FHIT: variants seen among roughly 807,000 people sequenced by gnomAD.
FHIT encodes the protein fragile histidine triad diadenosine triphosphatase.
FHIT carries 19 observed loss-of-function variants against 17.9 expected under a neutral mutation model. The ratio of observed to expected loss-of-function variants is 1.06; its 90% CI spans 0.74 to 1.56. The LOEUF is 1.56. Among genes scored for constraint, FHIT ranks in the 40% most tolerant of loss-of-function variants. FHIT has a pLI of 0.00. For synonymous variants in FHIT, 81 were observed against 69.7 expected (o/e 1.16, Z -0.81); for missense variants, 248 against 189.2 (o/e 1.31, Z -1.82).
At chr3:60,836,446 T>G (rs1267511900) in intron 3 of FHIT, among the ~76,000 whole-genome samples, 2 of 152,214 alleles carry the variant, frequency 1.3e-5, no homozygotes, top group African/African-American at 4.8e-5. Context: ...AATTCAATTT[T>G]TAATAGTTAT....
At chr3:60,249,537 A>AT (rs34799137) in intron 5 of FHIT, among the ~76,000 whole-genome samples, 43,080 of 151,044 alleles carry the variant, frequency 0.29, 6,357 homozygotes, top group Admixed American at 0.35. Flanking sequence ...AGGATGAAGG[A>AT]TTTTTTTTTC....
chr3:60,033,259 G>A (rs1260740733), intron 5 of FHIT, among the ~76,000 whole-genome samples: 1 of 152,124 alleles, frequency 6.6e-6, no homozygotes, highest in Non-Finnish European at 1.5e-5. Flanking sequence ...ACTTTGAGAG[G>A]CTGAGGCGGG....
chr3:59,824,482 T>C (rs1198462042), intron 8 of FHIT, among the ~76,000 whole-genome samples: 1 of 152,250 alleles, frequency 6.6e-6, no homozygotes. Context: ...GTTATAATAA[T>C]ATTTTTGAGT....
intron 7 of FHIT, among the ~76,000 whole-genome samples, chr3:60,007,792 T>G (rs1699981972): frequency 6.6e-6 from 1 of 152,202 alleles, no homozygotes; most frequent in South Asian, 2.1e-4. Context: ...GGCCTGTGTG[T>G]TCAGATTCTT....
chr3:60,371,223 A>G (rs1050835167), intron 5 of FHIT, among the ~76,000 whole-genome samples: 1 of 152,234 alleles, frequency 6.6e-6, no homozygotes, highest in African/African-American at 2.4e-5. Flanking sequence ...CATAACAAAT[A>G]TATCTTTATT....
chr3:60,372,586 G>A lies in FHIT; in HGVS notation c.103+164274C>T, dbSNP rs73090040. ...CAAAAAGAGTCATGAGTACAAGTTC[G>A]GGCCGATCTACTTCAATGAACAAAC... On this transcript the variant is annotated intron_variant, in intron 5 of 9. Coordinates refer to ENST00000492590, the MANE Select transcript of FHIT (RefSeq NM_002012.4). 3.4e-3 allele frequency among the ~76,000 whole-genome samples: 517 copies of A among 152,212 alleles called. 1 individual carries two copies. Among genetic ancestry groups the A allele is most frequent in the South Asian group, 7.7e-3 (37 of 4,828 alleles).
At chr3:60,362,800 G>A (rs552365069) in intron 5 of FHIT, among the ~76,000 whole-genome samples, 2 of 152,080 alleles carry the variant, frequency 1.3e-5, no homozygotes, top group East Asian at 1.9e-4. Context: ...GGATAAACAG[G>A]GTACAGTATA....
chr3:60,959,217 C>T (rs904092388), intron 3 of FHIT, among the ~76,000 whole-genome samples: 15 of 152,142 alleles, frequency 9.9e-5, no homozygotes, highest in African/African-American at 4.8e-5. Context: ...GCTCTGTCAG[C>T]GGCTGTGATT....
chr3:61,042,536 T>A (rs1397968242), intron 2 of FHIT, among the ~76,000 whole-genome samples: 4 of 152,140 alleles, frequency 2.6e-5, no homozygotes, highest in Non-Finnish European at 4.4e-5. Context: ...TTTGACATTT[T>A]ACACAATAAA....
intron 4 of FHIT, among the ~76,000 whole-genome samples, chr3:60,803,131 G>A (rs1303598434): frequency 1.3e-5 from 2 of 152,060 alleles, no homozygotes; most frequent in Admixed American, 6.6e-5. Context: ...CAAGTCTTCC[G>A]GTTAGTACTT....
intron 3 of FHIT, among the ~76,000 whole-genome samples, chr3:60,922,955 T>C (rs1487310339): frequency 2.6e-5 from 4 of 152,248 alleles, no homozygotes; most frequent in Non-Finnish European, 4.4e-5. Flanking sequence ...TAACACTTGA[T>C]CATTAAAAAT....
At chr3:59,898,030 G>T (rs1053779146) in intron 8 of FHIT, among the ~76,000 whole-genome samples, 1 of 152,112 alleles carries the variant, frequency 6.6e-6, no homozygotes, top group African/African-American at 2.4e-5. Context: ...GCCTCCCAAA[G>T]TGCTGGGATT....
At chr3:59,765,580 G>A (rs1315622539) in intron 8 of FHIT, among the ~76,000 whole-genome samples, 1 of 152,214 alleles carries the variant, frequency 6.6e-6, no homozygotes, top group Non-Finnish European at 1.5e-5. Context: ...GACAAGCTGT[G>A]CTGAGAAACC....
chr3:61,060,548 T>C (rs986235488), intron 2 of FHIT, among the ~76,000 whole-genome samples: 5 of 152,220 alleles, frequency 3.3e-5, no homozygotes, highest in Non-Finnish European at 5.9e-5. Context: ...GCTGCTGCAG[T>C]TTAGCCCTGT....
chr3:60,899,924 A>C (rs562828308), intron 3 of FHIT, among the ~76,000 whole-genome samples: 4 of 152,232 alleles, frequency 2.6e-5, no homozygotes, highest in South Asian at 2.1e-4. Context: ...GAAAAGGGAA[A>C]TCTCTCTGAA....
intron 3 of FHIT, among the ~76,000 whole-genome samples, chr3:60,825,071 G>GA (rs1451561915): frequency 3.3e-5 from 5 of 152,078 alleles, no homozygotes; most frequent in Admixed American, 6.6e-5. Context: ...CAAGATATGA[G>GA]AAAAAATAGC....
Position 59,979,104 on chromosome 3 carries a change from C to A in FHIT, c.279+32267G>T, listed in dbSNP as rs186821608. On this transcript the variant is annotated intron_variant, in intron 7 of 9. Coordinates refer to ENST00000492590, the MANE Select transcript of FHIT (RefSeq NM_002012.4). ...ATTGTGTTGGTTTCCTATTGAACATCTGAAGACTGTTTTAACATGTGTGCC... is the reference window on the plus strand; with the variant it reads ...ATTGTGTTGGTTTCCTATTGAACATATGAAGACTGTTTTAACATGTGTGCC... Among the ~76,000 whole-genome samples the A allele has an allele frequency of 1.8e-4, 28 of 152,240 alleles. No homozygotes were observed. The East Asian group carries it at 4.6e-3, about 25-fold the overall frequency.
chr3:60,073,235 G>C (rs2106988762), intron 5 of FHIT, among the ~76,000 whole-genome samples: 1 of 152,254 alleles, frequency 6.6e-6, no homozygotes, highest in East Asian at 1.9e-4. Flanking sequence ...AAGTAGTAGA[G>C]ATGGTTGACT....
At chr3:60,035,343 T>C (rs558286552) in intron 5 of FHIT, among the ~76,000 whole-genome samples, 2 of 152,256 alleles carry the variant, frequency 1.3e-5, no homozygotes, top group South Asian at 4.1e-4. Context: ...TTCAAGCAAT[T>C]TTCCTGCCTC....
Sources: allele counts gnomAD v4.1 joint callset (sites outside exome capture counted in the v4.1 genomes callset), GRCh38; gene constraint gnomAD v4.1.1; transcripts MANE v1.5; gene names NCBI Gene and HGNC (gene_info 2026-07-23, HGNC 2026-07-21).